Variants in NHLRC2 observed in about 807,000 individuals in gnomAD.
NHLRC2 encodes the protein NHL repeat-containing protein 2.
NHLRC2 carries 33 observed loss-of-function variants against 68.1 expected under a neutral mutation model. The ratio of observed to expected loss-of-function variants is 0.48; its 90% CI spans 0.37 to 0.65. The LOEUF (loss-of-function observed/expected upper bound fraction) is 0.65. Ranked by LOEUF, NHLRC2 falls within the 30% of genes least tolerant of loss-of-function variation. The pLI is 0.00. For missense variants in NHLRC2, 761 were observed against 853.8 expected, an observed-to-expected ratio of 0.89 and a Z score of 1.35; for synonymous variants, 311 against 309.6, an observed-to-expected ratio of 1.00 and a Z score of -0.05.
chr10:113,866,175 A>G (rs1286666593), intron 2 of NHLRC2, among the ~76,000 whole-genome samples: 1 of 152,246 alleles, frequency 6.6e-6, no homozygotes, highest in Non-Finnish European at 1.5e-5. Flanking sequence ...CACAGTCGCA[A>G]ATGAGAAATC....
chr10:113,908,106 A>AT (rs1846291673), intron 10 of NHLRC2, among the ~76,000 whole-genome samples, 174 bp from the exon 11 acceptor site: 1 of 152,176 alleles, frequency 6.6e-6, no homozygotes, highest in Non-Finnish European at 1.5e-5. Context: ...GGAACTTCTA[A>AT]TGAGTGGTCA....
At chr10:113,883,784 C>T (rs968315126) in intron 4 of NHLRC2, among the ~76,000 whole-genome samples, 4 of 151,878 alleles carry the variant, frequency 2.6e-5, no homozygotes, top group Non-Finnish European at 5.9e-5. Context: ...ATATTAAAAT[C>T]GTCACACAGT....
At chr10:113,855,085 G>A in intron 1 of NHLRC2, 35 bp downstream of exon 1, 1 of 1,526,822 alleles carries the variant, frequency 6.5e-7, no homozygotes, top group African/African-American at 1.4e-5. Context: ...GGCCCCTCCC[G>A]GCACCTCCCC....
intron 7 of NHLRC2, 95 bp from the exon 8 acceptor site, chr10:113,902,376 C>T (rs1846236574): frequency 1.3e-6 from 1 of 777,532 alleles, no homozygotes; most frequent in Non-Finnish European, 2.1e-6. Flanking sequence ...AACTTAAATA[C>T]CATTTGTAAC....
intron 5 of NHLRC2, among the ~76,000 whole-genome samples, chr10:113,897,542 G>C (rs1589547002): frequency 6.6e-6 from 1 of 152,192 alleles, no homozygotes; most frequent in East Asian, 1.9e-4. Context: ...CGTGTGCTTT[G>C]AGCCTTTTAT....
In NHLRC2 at chr10:113,884,419, T is replaced by G. The variant is rs1166350910; in HGVS notation, c.1039+39T>G. 7.7e-6 allele frequency: 12 copies of G among 1,549,446 alleles called. No homozygotes were observed. In the Admixed American group the frequency reaches 1.7e-4, roughly 22 times the overall value. On this transcript the variant is annotated intron_variant, in intron 5 of 10. Transcript: ENST00000369301. ...TGATATTAAATGTAAAGGTAAATTTTACTTCATGTAAGATTTAAAAATATT... is the reference window on the plus strand; with the variant it reads ...TGATATTAAATGTAAAGGTAAATTTGACTTCATGTAAGATTTAAAAATATT...
chr10:113,904,776 A>G (rs77640748), intron 9 of NHLRC2, 41 bp from the exon 10 acceptor site: 2 of 1,406,050 alleles, frequency 1.4e-6, no homozygotes, highest in South Asian at 2.3e-5. Context: ...TAATTAATAT[A>G]AAGTTCTTGT....
rs201376240 is a variant in NHLRC2, at chr10:113,858,592, C to T, written c.243C>T (p.Val81=). Reference sequence around the variant, plus strand: ...ACAAGGATCTATGTGGAAAAATAGTCGTCCTTGATTTCTTCACCTACTGCT... The same window carrying T: ...ACAAGGATCTATGTGGAAAAATAGTTGTCCTTGATTTCTTCACCTACTGCT... The part of the protein sequence containing the change: ...SVYKDLCGKI[V]VLDFFTYCCI... The change falls in exon 2 of 11, where the codon GTC becomes GTT. Residue 81 remains valine, a synonymous_variant. Transcript: ENST00000369301. The T allele has an allele frequency of 7.5e-6, 12 of 1,609,270 alleles. No individual in the cohort carries two copies. The East Asian group carries it at 1.3e-4, about 18-fold the overall frequency.
intron 2 of NHLRC2, among the ~76,000 whole-genome samples, chr10:113,869,840 A>G (rs527821674): frequency 4.6e-5 from 7 of 152,326 alleles, no homozygotes; most frequent in African/African-American, 7.2e-5. Flanking sequence ...TGGTATTCCA[A>G]TGGTCCAAGA....
In NHLRC2 at chr10:113,876,554, A is replaced by G; in HGVS notation, c.365A>G (p.Lys122Arg). Residue 122 changes from lysine to arginine, a missense_variant, in exon 3 of 11, where the codon AAG becomes AGG. Transcript: ENST00000369301. ...GLLIIGVHSA[K>R]FPNEKVLDNI... ...CTTATTATTGGTGTTCACTCGGCTA[A>G]GTTTCCAAATGAAAAAGTCCTGGAT... The G allele has an allele frequency of 6.2e-7, 1 of 1,607,230 alleles. No individual in the cohort carries two copies. The highest frequency in any genetic ancestry group is 8.5e-7 in the Non-Finnish European group (1 of 1,176,228).
rs529159304 is a variant in NHLRC2 at position 113,879,331 on chromosome 10, G to C, written c.788-243G>C. ...AGTCTAGGTAATGGATAATTAGAAT[G>C]CTTTTAAAATTATTTTCTTCGCTAT... On this transcript the variant is annotated intron_variant, in intron 3 of 10. Transcript: ENST00000369301. Among the ~76,000 whole-genome samples the C allele has an allele frequency of 5.3e-5, 8 of 152,194 alleles. No individual in the cohort carries two copies. In the South Asian group the frequency reaches 1.2e-3, roughly 24 times the overall value.
intron 1 of NHLRC2, among the ~76,000 whole-genome samples, chr10:113,858,046 C>CTTTT (rs529701767): frequency 1.5e-5 from 2 of 131,646 alleles, no homozygotes; most frequent in African/African-American, 5.6e-5. Context: ...ATATTTCTTC[C>CTTTT]TTTTTTTTTT....
chr10:113,863,389 A>G (rs888836180), intron 2 of NHLRC2, among the ~76,000 whole-genome samples: 19 of 152,226 alleles, frequency 1.2e-4, no homozygotes, highest in Non-Finnish European at 2.9e-5. Context: ...AAGAAAACAC[A>G]TAGGTAATTA....
In NHLRC2 at chr10:113,884,290, A is replaced by G. The variant is rs1289670059; in HGVS notation, c.949A>G (p.Ile317Val). Reference sequence around the variant, plus strand: ...TGAGAAGGTGAGCACTGTAGCTGGTATTGGAATTCAAGGTACAGATAAAGA... The same window carrying G: ...TGAGAAGGTGAGCACTGTAGCTGGTGTTGGAATTCAAGGTACAGATAAAGA... ...EAEKVSTVAG[I>V]GIQGTDKEGG... The change falls in exon 5 of 11, where the codon ATT becomes GTT. Residue 317 changes from isoleucine to valine, a missense_variant. Physicochemically the swap from Ile to Val is conservative, Grantham distance 29. Coordinates refer to ENST00000369301, the MANE Select transcript of NHLRC2 (RefSeq NM_198514.4). 6.2e-7 allele frequency: 1 copy of G among 1,610,358 alleles called. No individual in the cohort carries two copies. Among genetic ancestry groups the G allele is most frequent in the South Asian group, 1.1e-5 (1 of 90,932 alleles).
At chr10:113,879,727 TA>T (rs1483979363) in intron 4 of NHLRC2, 32 bp downstream of exon 4, 2 of 1,337,870 alleles carry the variant, frequency 1.5e-6, no homozygotes, top group Non-Finnish European at 2.1e-6. Context: ...TTTTAATACT[TA>T]CAATCAGAAA....
In NHLRC2 at chr10:113,862,335, C is replaced by T. The variant is rs114059012; in HGVS notation, c.331+3655C>T. On this transcript the variant is annotated intron_variant, in intron 2 of 10. Transcript: ENST00000369301. ...GCAGAGTTTTTGTGTGTTATTGAAGCTGGCATAAATTCAAATTAGAGCGTA... is the reference window on the plus strand; with the variant it reads ...GCAGAGTTTTTGTGTGTTATTGAAGTTGGCATAAATTCAAATTAGAGCGTA... Among the ~76,000 whole-genome samples the T allele has an allele frequency of 5.8e-3, 885 of 151,930 alleles. 9 individuals carry two copies. The highest frequency in any genetic ancestry group is 0.019 in the African/African-American group (804 of 41,436).
intron 10 of NHLRC2, 104 bp downstream of exon 10, chr10:113,905,140 TTTGAAGA>T: frequency 1.9e-6 from 1 of 539,826 alleles, no homozygotes; most frequent in East Asian, 3.3e-5. Context: ...ATAGGCAAGA[TTTGAAGA>T]TCATATGAAC....
chr10:113,912,065 G>C lies in NHLRC2; in HGVS notation c.*3529G>C, dbSNP rs569758000. The C allele has an allele frequency of 6.6e-6, 1 of 152,154 alleles. No homozygotes were observed. The highest frequency in any genetic ancestry group is 1.5e-5 in the Non-Finnish European group (1 of 68,028). The allele number at this position is 152,154 out of a possible 1,614,324, so 9.4% of individuals were successfully genotyped here. A position where few individuals can be genotyped will look rare whatever the true frequency, so the allele number is the denominator to read the frequency against. ...TTGATCTACCGGTTCTCTTAAGTAC[G>C]TGATTTCGTGAAGATAGCAATGGTT... is the stretch of plus-strand genomic sequence containing the variant. On this transcript the variant is annotated 3_prime_UTR_variant, in exon 11 of 11. Transcript: ENST00000369301.
Position 113,901,667 on chromosome 10 carries a change from G to C in NHLRC2, c.1141G>C (p.Glu381Gln). Residue 381 changes from glutamate to glutamine, a missense_variant and splice_region_variant, in exon 7 of 11, where the codon GAG (glutamate) becomes CAG (glutamine). Glu to Gln is a conservative substitution (Grantham distance 29). Coordinates refer to ENST00000369301, the MANE Select transcript of NHLRC2 (RefSeq NM_198514.4). ...LDSGKLPKKN[E>Q]LTKGTCLRFA... Reference sequence around the variant, plus strand: ...CACCTATGAACTTGTCTTTTTCAGTGAGTTAACAAAAGGAACCTGCCTTAG... The same window carrying C: ...CACCTATGAACTTGTCTTTTTCAGTCAGTTAACAAAAGGAACCTGCCTTAG... The C allele has an allele frequency of 6.2e-7, 1 of 1,608,304 alleles. No individual in the cohort carries two copies. Among genetic ancestry groups the C allele is most frequent in the South Asian group, 1.1e-5 (1 of 90,922 alleles).
Sources: allele counts gnomAD v4.1 joint callset (sites outside exome capture counted in the v4.1 genomes callset), GRCh38; gene constraint gnomAD v4.1.1; transcripts MANE v1.5; gene names NCBI Gene and HGNC (gene_info 2026-07-23, HGNC 2026-07-21).